The following ISG20L2 variants were observed in gnomAD, a reference collection of about 807,000 sequenced individuals.
ISG20L2 encodes the protein interferon-stimulated 20 kDa exonuclease-like 2.
Under a neutral mutation model 27.8 loss-of-function variants are expected in ISG20L2, and 14 were observed. The observed-to-expected ratio is 0.50, with a 90% CI of 0.33 to 0.79. The LOEUF is 0.79. Among genes scored for constraint, ISG20L2 ranks in the 30% least tolerant of loss-of-function variants. ISG20L2 has a pLI of 0.02. For synonymous variants in ISG20L2, 157 were observed against 165.7 expected, an observed-to-expected ratio of 0.95 and a Z score of 0.40; for missense variants, 393 against 435.1, an observed-to-expected ratio of 0.90 and a Z score of 0.86.
At chr1:156,724,612 T>G (rs1319361692) in intron 2 of ISG20L2, 1 of 1,221,400 alleles carries the variant, frequency 8.2e-7, no homozygotes, top group African/African-American at 1.5e-5. Flanking sequence ...CCCATGACAT[T>G]AATTTGCCTT....
Position 156,728,726 on chromosome 1 carries a change from C to A in ISG20L2, c.-429G>T. The A allele has an allele frequency of 2.0e-6, 2 of 999,446 alleles. No homozygotes were observed. The allele number at this position is 999,446 out of a possible 1,614,324, so 61.9% of individuals were successfully genotyped here. On this transcript the variant is annotated 5_prime_UTR_variant, in exon 1 of 4. Coordinates refer to ENST00000368219, the MANE Select transcript of ISG20L2 (RefSeq NM_001370150.2). Reference sequence around the variant, plus strand: ...GCGATAAACCGGAACTGCAGCCCGCCGGACACCTCCGGCTTCACTTCCGTA... The same window carrying A: ...GCGATAAACCGGAACTGCAGCCCGCAGGACACCTCCGGCTTCACTTCCGTA...
In ISG20L2 at chr1:156,723,326, T is replaced by A; in HGVS notation, c.*23A>T. 1.9e-6 allele frequency: 3 copies of A among 1,613,836 alleles called. No homozygotes were observed. In the South Asian group the frequency reaches 3.3e-5, roughly 18 times the overall value. On this transcript the variant is annotated 3_prime_UTR_variant, in exon 4 of 4. Transcript: ENST00000368219. ...CCTGGGTGCTGCCTCTGCCTCCTCA[T>A]ATCACCAGCGTCCCCACTGCCACTA...
Position 156,727,027 on chromosome 1 carries a change from T to C in ISG20L2, c.626A>G (p.Asp209Gly). The part of the protein sequence containing the change: ...ARCSIVNYNG[D>G]VLYDEYILPP... ...AAGAATGTACTCGTCATAAAGCACA[T>C]CTCCGTTGTAGTTGACAATGCTACA... The change falls in exon 2 of 4, where the codon GAT (aspartate) becomes GGT (glycine). Residue 209 changes from aspartate (D) to glycine (G), a missense_variant. Coordinates refer to ENST00000368219, the MANE Select transcript of ISG20L2 (RefSeq NM_001370150.2). 2 of 1,614,156 alleles carry C rather than the reference T, an allele frequency of 1.2e-6. No homozygotes were observed. Among genetic ancestry groups the C allele is most frequent in the Non-Finnish European group, 1.7e-6 (2 of 1,180,028 alleles).
chr1:156,726,996 G>A lies in ISG20L2; in HGVS notation c.657C>T (p.Pro219=), dbSNP rs769564634. The change falls in exon 2 of 4, where the codon CCC becomes CCT. Residue 219 remains proline, a synonymous_variant. Transcript: ENST00000368219. ...DVLYDEYILP[P]CHIVDYRTRW... The stretch of plus-strand genomic sequence containing the variant: ...TGGTTCGGTAGTCCACAATGTGGCA[G>A]GGGGGAAGAATGTACTCGTCATAAA... 1.2e-6 allele frequency: 2 copies of A among 1,614,180 alleles called. No individual in the cohort carries two copies. The highest frequency in any genetic ancestry group is 1.7e-6 in the Non-Finnish European group (2 of 1,180,028).
At chr1:156,723,825 C>A in intron 3 of ISG20L2, 4 of 1,243,120 alleles carry the variant, frequency 3.2e-6, no homozygotes, top group Non-Finnish European at 4.1e-6. Flanking sequence ...AGATGGGCCA[C>A]CCTTTGCTGA....
chr1:156,723,924 GT>G, intron 3 of ISG20L2: 5 of 1,331,164 alleles, frequency 3.8e-6, no homozygotes, highest in East Asian at 2.9e-5. Context: ...CTTAGTTAGG[GT>G]TTTATATCTA....
chr1:156,724,253 A>G lies in ISG20L2; in HGVS notation c.843T>C (p.Arg281=), dbSNP rs1648659562. 1 of 1,613,928 alleles carries G rather than the reference A, an allele frequency of 6.2e-7. No individual in the cohort carries two copies. Among genetic ancestry groups the G allele is most frequent in the Non-Finnish European group, 8.5e-7 (1 of 1,179,982 alleles). ...LQYFHPKSLT[R]DTSHIPPLNR... The stretch of plus-strand genomic sequence containing the variant: ...TGAGGGGGGGGATATGGGAGGTGTC[A>G]CGGGTGAGGGACTTGGGGTGAAAGT... Residue 281 remains arginine (R), a synonymous_variant, in exon 3 of 4, where the codon CGT becomes CGC. Coordinates refer to ENST00000368219, the MANE Select transcript of ISG20L2 (RefSeq NM_001370150.2).
At position 156,728,748 on chromosome 1, in the gene ISG20L2, C is replaced by A; in HGVS notation, c.-451G>T. 9.8e-7 allele frequency: 1 copy of A among 1,015,774 alleles called. No individual in the cohort carries two copies. Among genetic ancestry groups the A allele is most frequent in the Admixed American group, 5.9e-5 (1 of 16,916 alleles). 62.9% of individuals were successfully genotyped at this position (1,015,774 alleles called of 1,614,324 possible). ...CGCCGGACACCTCCGGCTTCACTTC[C>A]GTAAGAGGAGAGGAGTGTACGGCAA... On this transcript the variant is annotated 5_prime_UTR_variant, in exon 1 of 4. Coordinates refer to ENST00000368219, the MANE Select transcript of ISG20L2 (RefSeq NM_001370150.2).
At position 156,728,727 on chromosome 1, in the gene ISG20L2, G is replaced by A. The variant is rs891047620; in HGVS notation, c.-430C>T. On this transcript the variant is annotated 5_prime_UTR_variant, in exon 1 of 4. Transcript: ENST00000368219. ...CGATAAACCGGAACTGCAGCCCGCC[G>A]GACACCTCCGGCTTCACTTCCGTAA... is the stretch of plus-strand genomic sequence containing the variant. 8.0e-6 allele frequency: 8 copies of A among 1,000,056 alleles called. No homozygotes were observed. The highest frequency in any genetic ancestry group is 3.5e-5 in the African/African-American group (2 of 57,844). 61.9% of individuals were successfully genotyped at this position (1,000,056 alleles called of 1,614,324 possible). A position where few individuals can be genotyped will look rare whatever the true frequency, so the allele number is the denominator to read the frequency against.
At chr1:156,725,061 C>T (rs1484595117) in intron 2 of ISG20L2, 1 of 152,066 alleles carries the variant, frequency 6.6e-6, no homozygotes, top group African/African-American at 2.4e-5. Flanking sequence ...AAGCGTTTCT[C>T]CTGCCTCAGC....
chr1:156,726,799 C>G (rs1648786300), intron 2 of ISG20L2, 107 bp downstream of exon 2: 2 of 1,502,680 alleles, frequency 1.3e-6, no homozygotes, highest in African/African-American at 2.8e-5. Flanking sequence ...TCTCCTCCCT[C>G]CCTCCACAAA....
intron 2 of ISG20L2, 31 bp downstream of exon 2, chr1:156,726,875 C>G (rs756050553): frequency 6.3e-7 from 1 of 1,590,292 alleles, no homozygotes; most frequent in East Asian, 2.2e-5. Flanking sequence ...CCATCCACCT[C>G]CCTGCCACCA....
rs1648922553 is a variant in ISG20L2 at position 156,728,497 on chromosome 1, A to G, written c.-200T>C. 1.0e-6 allele frequency: 1 copy of G among 985,596 alleles called. No homozygotes were observed. The allele number at this position is 985,596 out of a possible 1,614,324, so 61.1% of individuals were successfully genotyped here. A position where few individuals can be genotyped will look rare whatever the true frequency, so the allele number is the denominator to read the frequency against. The stretch of plus-strand genomic sequence containing the variant: ...GCGCGCCGACGAAGCCCGGGAAGGC[A>G]GGCGCGCGGGTTAGAACGCGCCAGA... On this transcript the variant is annotated 5_prime_UTR_variant, in exon 1 of 4. Coordinates refer to ENST00000368219, the MANE Select transcript of ISG20L2 (RefSeq NM_001370150.2).
At chr1:156,724,593 G>T in intron 2 of ISG20L2, 1 of 1,277,442 alleles carries the variant, frequency 7.8e-7, no homozygotes, top group South Asian at 2.2e-5. Context: ...CCTTCTTATT[G>T]ATCTCCACCC....
Position 156,723,795 on chromosome 1 carries a change from T to C in ISG20L2, c.949-333A>G, listed in dbSNP as rs1019998551. 1.0e-5 allele frequency: 10 copies of C among 985,316 alleles called. No individual in the cohort carries two copies. In the African/African-American group the frequency reaches 1.0e-4, roughly 10 times the overall value. 61.0% of individuals were successfully genotyped at this position (985,316 alleles called of 1,614,324 possible). Reference sequence around the variant, plus strand: ...TTCCTTAACTGCTCTATATGTGACATATGTCCCCATCTTCCTGCCAGATGG... The same window carrying C: ...TTCCTTAACTGCTCTATATGTGACACATGTCCCCATCTTCCTGCCAGATGG... On this transcript the variant is annotated intron_variant, in intron 3 of 3. Coordinates refer to ENST00000368219, the MANE Select transcript of ISG20L2 (RefSeq NM_001370150.2).
At chr1:156,726,547 C>CCACA (rs1424129957) in intron 2 of ISG20L2, 19 of 744,940 alleles carry the variant, frequency 2.6e-5, no homozygotes, top group Non-Finnish European at 3.1e-5. Flanking sequence ...CAGGCATGTA[C>CCACA]CACACTTGGC....
At chr1:156,724,389 G>A (rs1409394230) in intron 2 of ISG20L2, 41 bp from the exon 3 acceptor site, 2 of 1,545,504 alleles carry the variant, frequency 1.3e-6, no homozygotes, top group African/African-American at 2.7e-5. Context: ...AAGGAAGACT[G>A]AAGTGGAACC....
rs1204800363 is a variant in ISG20L2 at position 156,723,222 on chromosome 1, A to G, written c.*127T>C. ...TTTCAATGGGTATTAAGTCTGGGGT[A>G]GAGCTTCTCTCTCCCCAAATCTAGC... is the stretch of plus-strand genomic sequence containing the variant. On this transcript the variant is annotated 3_prime_UTR_variant, in exon 4 of 4. Transcript: ENST00000368219. The G allele has an allele frequency of 6.1e-6, 7 of 1,155,612 alleles. No individual in the cohort carries two copies. The highest frequency in any genetic ancestry group is 8.8e-6 in the Non-Finnish European group (7 of 798,794). 71.6% of individuals were successfully genotyped at this position (1,155,612 alleles called of 1,614,324 possible). A position where few individuals can be genotyped will look rare whatever the true frequency, so the allele number is the denominator to read the frequency against.
In ISG20L2 at chr1:156,728,668, C is replaced by T. The variant is rs1044618288; in HGVS notation, c.-371G>A. ...ATGCGCTCCCCGGCCCCTCTAGCCC[C>T]GTGGTGGTACAACGCGAAGGTGTGG... On this transcript the variant is annotated 5_prime_UTR_variant, in exon 1 of 4. Transcript: ENST00000368219. 3.2e-5 allele frequency: 32 copies of T among 987,200 alleles called. No individual in the cohort carries two copies. Among genetic ancestry groups the T allele is most frequent in the East Asian group, 2.3e-4 (2 of 8,866 alleles). The allele number at this position is 987,200 out of a possible 1,614,324, so 61.2% of individuals were successfully genotyped here. A position where few individuals can be genotyped will look rare whatever the true frequency, so the allele number is the denominator to read the frequency against.
Sources: allele counts gnomAD v4.1 joint callset, GRCh38; gene constraint gnomAD v4.1.1; transcripts MANE v1.5; gene names NCBI Gene and HGNC (gene_info 2026-07-23, HGNC 2026-07-21).